VCL: variants seen among roughly 807,000 people sequenced by gnomAD.
VCL encodes vinculin.
Under a neutral mutation model 125.7 loss-of-function variants are expected in VCL, and 47 were observed. That is an observed-to-expected ratio of 0.37 (90% CI 0.30 to 0.48). The LOEUF (loss-of-function observed/expected upper bound fraction) is 0.48. Ranked by LOEUF, VCL falls within the 20% of genes least tolerant of loss-of-function variation. The pLI, the probability that VCL is intolerant of heterozygous loss-of-function variation, is 0.99. For missense variants in VCL, 1,069 were observed against 1,455.5 expected (o/e 0.73, Z 4.32); for synonymous variants, 458 against 514.6 (o/e 0.89, Z 1.49).
intron 2 of VCL, among the ~76,000 whole-genome samples, chr10:74,068,894 G>A (rs1027487409): frequency 6.6e-5 from 10 of 151,772 alleles, no homozygotes; most frequent in African/African-American, 2.4e-4. Flanking sequence ...TTTTAAATAT[G>A]TGTATATGCT....
intron 1 of VCL, among the ~76,000 whole-genome samples, chr10:74,020,050 TG>T (rs1444356969): frequency 1.3e-5 from 2 of 149,228 alleles, no homozygotes; most frequent in Non-Finnish European, 3.0e-5. Flanking sequence ...GCAACAAGAG[TG>T]AAACTCCGTC....
chr10:74,000,618 T>C (rs912192657), intron 1 of VCL, among the ~76,000 whole-genome samples: 1 of 152,108 alleles, frequency 6.6e-6, no homozygotes, highest in African/African-American at 2.4e-5. Context: ...TTTCACCATG[T>C]TGGCCAGGAT....
intron 2 of VCL, among the ~76,000 whole-genome samples, chr10:74,052,894 A>T (rs1841329666): frequency 6.7e-6 from 1 of 150,100 alleles, no homozygotes; most frequent in African/African-American, 2.4e-5. Context: ...CTGATAATGA[A>T]CCATTCTTGC....
intron 10 of VCL, 70 bp downstream of exon 10, chr10:74,090,268 T>G (rs2131909026): frequency 1.3e-6 from 2 of 1,492,312 alleles, no homozygotes; most frequent in South Asian, 2.3e-5. Context: ...CCCTCTCCCT[T>G]TCTTTCTTTC....
At chr10:74,009,467 G>T (rs1248384467) in intron 1 of VCL, among the ~76,000 whole-genome samples, 1 of 151,324 alleles carries the variant, frequency 6.6e-6, no homozygotes, top group East Asian at 1.9e-4. Context: ...CACCATGTTA[G>T]CCAGGATGGT....
At chr10:74,007,814 T>G (rs985774158) in intron 1 of VCL, among the ~76,000 whole-genome samples, 1 of 151,008 alleles carries the variant, frequency 6.6e-6, no homozygotes, top group Non-Finnish European at 1.5e-5. Flanking sequence ...TTTTTCCTTT[T>G]TTTTTGAGAT....
At chr10:74,096,809 C>T (rs565424880) in intron 12 of VCL, among the ~76,000 whole-genome samples, 6 of 152,366 alleles carry the variant, frequency 3.9e-5, no homozygotes, top group African/African-American at 1.2e-4. Flanking sequence ...ACCAAACAAT[C>T]CTTACAGTTA....
chr10:74,039,132 G>C (rs1314020856), intron 1 of VCL, among the ~76,000 whole-genome samples: 1 of 151,816 alleles, frequency 6.6e-6, no homozygotes, highest in Non-Finnish European at 1.5e-5. Context: ...GGCTGGTCGC[G>C]AACTCCTGAC....
intron 16 of VCL, among the ~76,000 whole-genome samples, chr10:74,105,765 G>C (rs1272853162): frequency 6.6e-6 from 1 of 151,972 alleles, no homozygotes; most frequent in Non-Finnish European, 1.5e-5. Context: ...ATGTTGGCCA[G>C]GCTGGTCTTG....
intron 1 of VCL, 40 bp downstream of exon 1, chr10:73,998,415 G>T: frequency 7.2e-7 from 1 of 1,381,042 alleles, no homozygotes; most frequent in African/African-American, 1.5e-5. Context: ...GGCGCGGGAG[G>T]TATCCCCGGG....
chr10:74,036,718 TAAA>T (rs917406799), intron 1 of VCL, among the ~76,000 whole-genome samples: 29 of 150,742 alleles, frequency 1.9e-4, no homozygotes, highest in African/African-American at 6.1e-4. Context: ...AAAAAAAAAG[TAAA>T]AAAGAAGCAT....
chr10:74,105,392 A>C, intron 16 of VCL, 39 bp downstream of exon 16: 1 of 1,611,366 alleles, frequency 6.2e-7, no homozygotes, highest in Non-Finnish European at 8.5e-7. Context: ...CTCCACTGAG[A>C]GGTTAACTCA....
intron 2 of VCL, among the ~76,000 whole-genome samples, chr10:74,067,231 G>A (rs1841583884): frequency 1.3e-5 from 2 of 152,042 alleles, no homozygotes; most frequent in Admixed American, 6.6e-5. Context: ...TGAAAAATGG[G>A]CCTAATTGAA....
intron 2 of VCL, among the ~76,000 whole-genome samples, chr10:74,057,279 A>T (rs1841405857): frequency 6.6e-6 from 1 of 152,062 alleles, no homozygotes; most frequent in African/African-American, 2.4e-5. Flanking sequence ...TTATATGTAT[A>T]TATAAATTCC....
chr10:74,049,370 C>T (rs1028523996), intron 2 of VCL, among the ~76,000 whole-genome samples: 5 of 151,912 alleles, frequency 3.3e-5, no homozygotes, highest in African/African-American at 1.2e-4. Context: ...TATATGATGG[C>T]AGAGCAAAAG....
At chr10:74,018,073 T>C (rs970739699) in intron 1 of VCL, among the ~76,000 whole-genome samples, 1 of 149,464 alleles carries the variant, frequency 6.7e-6, no homozygotes, top group Admixed American at 6.7e-5. Flanking sequence ...GTGGGAGGAT[T>C]GCTTGAGCTG....
At chr10:74,083,702 T>C (rs995979163) in intron 8 of VCL, among the ~76,000 whole-genome samples, 189 bp downstream of exon 8, 4 of 152,204 alleles carry the variant, frequency 2.6e-5, no homozygotes, top group African/African-American at 9.7e-5. Flanking sequence ...ATTTATTTAT[T>C]ATTTTTTGAG....
intron 1 of VCL, among the ~76,000 whole-genome samples, chr10:74,007,652 C>A (rs1056028066): frequency 4.6e-5 from 7 of 150,684 alleles, no homozygotes; most frequent in African/African-American, 1.7e-4. Context: ...CGTGCCACCA[C>A]ACCCAGCTAA....
chr10:74,012,984 G>T (rs184199665), intron 1 of VCL, among the ~76,000 whole-genome samples: 193 of 152,034 alleles, frequency 1.3e-3, no homozygotes, highest in African/African-American at 4.5e-3. Context: ...AATTATTTGT[G>T]TGATTATTCA....
Sources: allele counts gnomAD v4.1 joint callset (sites outside exome capture counted in the v4.1 genomes callset), GRCh38; gene constraint gnomAD v4.1.1; transcripts MANE v1.5; gene names NCBI Gene and HGNC (gene_info 2026-07-23, HGNC 2026-07-21).